Variants in LRRC19 observed in about 807,000 individuals in gnomAD.
LRRC19 encodes the protein leucine-rich repeat-containing protein 19.
LRRC19 carries 33 observed loss-of-function variants against 33.3 expected under a neutral mutation model. That is an observed-to-expected ratio of 0.99 (90% CI 0.75 to 1.33). LRRC19 has a LOEUF of 1.33. Among genes scored for constraint, LRRC19 ranks in the 40% most tolerant of loss-of-function variants. The probability of loss-of-function intolerance (pLI) is 0.00; values close to 1 mark genes in which losing one functional copy is unlikely to be tolerated. For synonymous variants in LRRC19, 184 were observed against 152.3 expected (o/e 1.21, Z -1.53); for missense variants, 463 against 417.3 (o/e 1.11, Z -0.95).
chr9:26,999,350 A>G (rs936038094), intron 2 of LRRC19, among the ~76,000 whole-genome samples: 13 of 152,186 alleles, frequency 8.5e-5, no homozygotes, highest in Non-Finnish European at 1.8e-4. Flanking sequence ...TACATTTTAA[A>G]CAAGATTTTA....
chr9:27,003,966 A>G (rs1056772434), intron 1 of LRRC19, among the ~76,000 whole-genome samples: 1 of 152,232 alleles, frequency 6.6e-6, no homozygotes, highest in Non-Finnish European at 1.5e-5. Flanking sequence ...TGAAATTCTT[A>G]CTGATGTCTC....
chr9:27,000,835 T>C (rs1190423152), intron 1 of LRRC19, among the ~76,000 whole-genome samples: 1 of 152,070 alleles, frequency 6.6e-6, no homozygotes, highest in East Asian at 1.9e-4. Context: ...AACTTAAAAA[T>C]AAAAGTTGAA....
At chr9:27,003,588 C>T (rs1298332356) in intron 1 of LRRC19, among the ~76,000 whole-genome samples, 1 of 152,092 alleles carries the variant, frequency 6.6e-6, no homozygotes, top group Non-Finnish European at 1.5e-5. Flanking sequence ...AGTCTCTCGC[C>T]TCGTTAGCAA....
rs754715981 is a variant in LRRC19, at chr9:26,996,509, CAGAA to C, written c.596-14_596-11del. 2.1e-6 allele frequency: 3 copies of C among 1,414,032 alleles called. No homozygotes were observed. Among genetic ancestry groups the C allele is most frequent in the East Asian group, 2.5e-5 (1 of 39,858 alleles). The allele number at this position is 1,414,032 out of a possible 1,614,324, so 87.6% of individuals were successfully genotyped here. The stretch of plus-strand genomic sequence containing the variant: ...GTGATGTTCTCATTTTCTAGTAAAT[CAGAA>C]AGAATAAGATTTAGTATAGAGAAAA... On this transcript the variant is annotated splice_polypyrimidine_tract_variant and intron_variant, in intron 3 of 4. Transcript: ENST00000380055.
chr9:26,995,888 T>C lies in LRRC19; in HGVS notation c.785-39A>G, dbSNP rs73643125. On this transcript the variant is annotated intron_variant, in intron 4 of 4. Transcript: ENST00000380055. ...CCAAGAGAGGAGAGAGAAAGAAAAT[T>C]TGTTAAGTTGGCAAAATAATCATAA... 78,998 of 1,449,678 alleles carry C rather than the reference T, an allele frequency of 0.054. 2,567 individuals carry two copies. Among genetic ancestry groups the C allele is most frequent in the Middle Eastern group, 0.13 (737 of 5,530 alleles). The allele number at this position is 1,449,678 out of a possible 1,614,324, so 89.8% of individuals were successfully genotyped here.
chr9:27,000,414 T>C (rs567601433), intron 1 of LRRC19, among the ~76,000 whole-genome samples: 1 of 152,348 alleles, frequency 6.6e-6, no homozygotes, highest in Admixed American at 6.5e-5. Context: ...GCATTATCTA[T>C]TGGCATTATC....
chr9:26,996,200 T>A, intron 4 of LRRC19, 111 bp downstream of exon 4: 2 of 700,358 alleles, frequency 2.9e-6, no homozygotes, highest in Non-Finnish European at 4.2e-6. Flanking sequence ...TTAGTTGAGA[T>A]GAGGAATCTT....
At chr9:26,996,649 A>C in intron 3 of LRRC19, 150 bp from the exon 4 acceptor site, 1 of 466,328 alleles carries the variant, frequency 2.1e-6, no homozygotes, top group Non-Finnish European at 3.6e-6. Flanking sequence ...AACATAATGA[A>C]AGAATGATGC....
intron 1 of LRRC19, among the ~76,000 whole-genome samples, chr9:27,001,941 T>C (rs1240822140): frequency 7.4e-6 from 1 of 134,236 alleles, no homozygotes; most frequent in African/African-American, 2.6e-5. Flanking sequence ...TCTTTTTTTC[T>C]CTTTTTTTTT....
chr9:26,997,105 G>A (rs948023760), intron 3 of LRRC19, among the ~76,000 whole-genome samples: 60 of 151,848 alleles, frequency 4.0e-4, no homozygotes, highest in African/African-American at 1.4e-3. Flanking sequence ...CCAGCTACTG[G>A]GGAGGCTGAG....
intron 1 of LRRC19, among the ~76,000 whole-genome samples, chr9:27,001,290 A>G (rs982169426): frequency 2.0e-5 from 3 of 152,036 alleles, no homozygotes; most frequent in African/African-American, 4.8e-5. Flanking sequence ...TCTCTTTAAT[A>G]TATTCATCTC....
intron 2 of LRRC19, 146 bp from the exon 3 acceptor site, chr9:26,998,387 C>A: frequency 2.1e-6 from 1 of 483,506 alleles, no homozygotes; most frequent in Non-Finnish European, 3.5e-6. Flanking sequence ...TACAGTAGAG[C>A]AAATCTTTTT....
Position 26,995,350 on chromosome 9 carries a change from T to C in LRRC19, c.*171A>G. 1 of 539,742 alleles carries C rather than the reference T, an allele frequency of 1.9e-6. No individual in the cohort carries two copies. Among genetic ancestry groups the C allele is most frequent in the Non-Finnish European group, 3.3e-6 (1 of 301,986 alleles). 33.4% of individuals were successfully genotyped at this position (539,742 alleles called of 1,614,324 possible). A position where few individuals can be genotyped will look rare whatever the true frequency, so the allele number is the denominator to read the frequency against. ...ACCGAGGAGTGTCAGTTACTGTATT[T>C]GAACCTGCTTGCTCAATATAATGCA... On this transcript the variant is annotated 3_prime_UTR_variant, in exon 5 of 5. Transcript: ENST00000380055.
Position 26,996,433 on chromosome 9 carries a change from G to T in LRRC19, c.662C>A (p.Pro221His). The change falls in exon 4 of 5, where the codon CCT becomes CAT. Residue 221 changes from proline (P) to histidine (H), a missense_variant. Physicochemically the swap from Pro to His is moderately conservative, Grantham distance 77 (BLOSUM62 -2). Transcript: ENST00000380055. ...TTTTGAGTGGCATTCAGCCTTATGA[G>T]GTACTGTTTTGATATTGTAGCTCTG... ...SLQSYNIKTV[P>H]HKAECHSKFP... 2 of 1,598,770 alleles carry T rather than the reference G, an allele frequency of 1.3e-6. No individual in the cohort carries two copies. The highest frequency in any genetic ancestry group is 1.7e-6 in the Non-Finnish European group (2 of 1,170,610).
rs1468385241 is a variant in LRRC19, at chr9:26,994,719, G to C, written c.*802C>G. ...CATTGCTCTATCTACTGAATAGATA[G>C]AAATAGCTGTCCATGGACCACATGA... On this transcript the variant is annotated 3_prime_UTR_variant, in exon 5 of 5. Transcript: ENST00000380055. 6.6e-6 allele frequency: 1 copy of C among 152,534 alleles called. No homozygotes were observed. Among genetic ancestry groups the C allele is most frequent in the Admixed American group, 6.6e-5 (1 of 15,258 alleles). 9.4% of individuals were successfully genotyped at this position (152,534 alleles called of 1,614,324 possible). A position where few individuals can be genotyped will look rare whatever the true frequency, so the allele number is the denominator to read the frequency against.
chr9:27,004,724 G>A (rs559838008), intron 1 of LRRC19, among the ~76,000 whole-genome samples: 2 of 152,142 alleles, frequency 1.3e-5, no homozygotes, highest in African/African-American at 4.8e-5. Context: ...AATGATAGTT[G>A]AGTTTCATAT....
chr9:27,002,502 A>G (rs1323143179), intron 1 of LRRC19, among the ~76,000 whole-genome samples: 3 of 152,160 alleles, frequency 2.0e-5, no homozygotes, highest in Non-Finnish European at 2.9e-5. Flanking sequence ...TCATTTTTCC[A>G]TATATAGTTA....
At chr9:26,999,320 C>CT (rs1828349306) in intron 2 of LRRC19, among the ~76,000 whole-genome samples, 3 of 151,880 alleles carry the variant, frequency 2.0e-5, no homozygotes, top group South Asian at 4.1e-4. Flanking sequence ...TAAATATGTG[C>CT]TTTTTAAAAA....
intron 2 of LRRC19, among the ~76,000 whole-genome samples, chr9:26,999,373 A>C (rs538996422): frequency 3.3e-5 from 5 of 152,292 alleles, no homozygotes; most frequent in East Asian, 1.9e-4. Flanking sequence ...CTTAAAACTA[A>C]TTTCTGATTT....
Sources: gnomAD v4.1 joint callset for allele counts (sites outside exome capture counted in the v4.1 genomes callset) on GRCh38, gnomAD v4.1.1 for gene constraint, MANE v1.5 for transcripts, NCBI Gene and HGNC (gene_info 2026-07-23, HGNC 2026-07-21) for gene names.